The following DENND4B variants were observed in gnomAD, a reference collection of about 807,000 sequenced individuals.
DENND4B encodes DENN domain containing 4B.
In DENND4B, 67 loss-of-function variants were observed where a neutral mutation model predicts 161.0. The ratio of observed to expected loss-of-function variants is 0.42; its 90% CI spans 0.34 to 0.51. The LOEUF (loss-of-function observed/expected upper bound fraction) is 0.51. DENND4B is among the 20% of genes least tolerant of loss of function. DENND4B has a pLI of 0.08. For synonymous variants in DENND4B, 753 were observed against 813.8 expected, an observed-to-expected ratio of 0.93 and a Z score of 1.27; for missense variants, 1,481 against 1,968.0, an observed-to-expected ratio of 0.75 and a Z score of 4.68.
chr1:153,931,188 A>G (rs1425882150), intron 24 of DENND4B, 124 bp from the exon 25 acceptor site: 2 of 756,580 alleles, frequency 2.6e-6, no homozygotes, highest in Non-Finnish European at 4.3e-6. Context: ...AGAAGTGGGA[A>G]AGGAATTCTT....
In DENND4B at chr1:153,944,160, G is replaced by A; in HGVS notation, c.215C>T (p.Ala72Val). The part of the protein sequence containing the change: ...PQGYTCIQAS[A>V]GGHPLELSAG... ...ACTGAGTTCCAAGGGGTGGCCCCCA[G>A]CAGAAGCCTGGATGCATGTGTAGCC... The change falls in exon 2 of 28, where the codon GCT becomes GTT. Residue 72 changes from alanine (A) to valine (V), a missense_variant. Coordinates refer to ENST00000361217, the MANE Select transcript of DENND4B (RefSeq NM_014856.3). The surrounding 1 kb of genome is among the most constrained non-coding windows in gnomAD (Gnocchi z 4.8). The A allele has an allele frequency of 6.2e-7, 1 of 1,613,154 alleles. No homozygotes were observed. Among genetic ancestry groups the A allele is most frequent in the Non-Finnish European group, 8.5e-7 (1 of 1,179,530 alleles).
At position 153,939,795 on chromosome 1, in the gene DENND4B, C is replaced by G; in HGVS notation, c.1613G>C (p.Gly538Ala). The change falls in exon 12 of 28, where the codon GGA (glycine) becomes GCA (alanine). Residue 538 changes from glycine (G) to alanine (A), a missense_variant. Transcript: ENST00000361217. ...CTCCAGGGATGCTTCCTCCTCAGGT[C>G]CAGTGTATGCTGGAGGCCAGGGCAG... ...LYQQLDQTYT[G>A]PEEEASLEFL... is the part of the protein sequence containing the mutation. 6.2e-7 allele frequency: 1 copy of G among 1,613,760 alleles called. No homozygotes were observed. The highest frequency in any genetic ancestry group is 8.5e-7 in the Non-Finnish European group (1 of 1,179,834).
intron 12 of DENND4B, among the ~76,000 whole-genome samples, chr1:153,939,280 G>C (rs569805512): frequency 3.4e-4 from 52 of 151,794 alleles, no homozygotes; most frequent in African/African-American, 1.3e-3. Flanking sequence ...AGACTGGGGG[G>C]GGTCTCCAAG....
chr1:153,941,773 C>CGGGGGGGGGGGG, intron 6 of DENND4B, 96 bp downstream of exon 6: 18 of 1,426,300 alleles, frequency 1.3e-5, no homozygotes, highest in Non-Finnish European at 1.7e-5. Context: ...ACCCTGTGCC[C>CGGGGGGGGGGGG]AGCCCTCCCC....
Position 153,930,122 on chromosome 1 carries a change from CA to C in DENND4B, c.*174del. On this transcript the variant is annotated 3_prime_UTR_variant, in exon 28 of 28. Transcript: ENST00000361217. The surrounding 1 kb of genome is among the most constrained non-coding windows in gnomAD (Gnocchi z 4.7). ...CTGGGTAGGTTGGTGATGGGGGAAT[CA>C]GGACTTTTGGTAACAGTGGATCCCT... 1 of 879,978 alleles carries C rather than the reference CA, an allele frequency of 1.1e-6. No individual in the cohort carries two copies. The highest frequency in any genetic ancestry group is 1.7e-6 in the Non-Finnish European group (1 of 593,388). 54.5% of individuals were successfully genotyped at this position (879,978 alleles called of 1,614,324 possible). A position where few individuals can be genotyped will look rare whatever the true frequency, so the allele number is the denominator to read the frequency against.
chr1:153,935,178 G>A, intron 17 of DENND4B: 1 of 806,588 alleles, frequency 1.2e-6, no homozygotes, highest in South Asian at 2.2e-5. Context: ...AGAGGCAGTG[G>A]AGAAAATTTG....
At position 153,932,834 on chromosome 1, in the gene DENND4B, C is replaced by G; in HGVS notation, c.3623+27G>C. 6.2e-7 allele frequency: 1 copy of G among 1,613,574 alleles called. No homozygotes were observed. Among genetic ancestry groups the G allele is most frequent in the Non-Finnish European group, 8.5e-7 (1 of 1,179,570 alleles). ...TGGACCTTCACCTCCCTATTCCCACCCACAGCACTTGCCCTGCCTTGGGCA... is the reference window on the plus strand; with the variant it reads ...TGGACCTTCACCTCCCTATTCCCACGCACAGCACTTGCCCTGCCTTGGGCA... On this transcript the variant is annotated intron_variant, in intron 22 of 27. Coordinates refer to ENST00000361217, the MANE Select transcript of DENND4B (RefSeq NM_014856.3). This position sits in a 1 kb window ranked among gnomAD's most constrained non-coding sequence, Gnocchi z 5.8.
At position 153,930,801 on chromosome 1, in the gene DENND4B, C is replaced by T. The variant is rs1376595591; in HGVS notation, c.4171G>A (p.Ala1391Thr). The change falls in exon 26 of 28, where the codon GCA becomes ACA. Residue 1391 changes from alanine to threonine, a missense_variant. By Grantham distance (58) the Ala-to-Thr change is moderately conservative. This residue lies in a region of DENND4B where 336 missense variants were observed against 503.3 expected (regional missense o/e 0.67). Transcript: ENST00000361217. This position sits in a 1 kb window ranked among gnomAD's most constrained non-coding sequence, Gnocchi z 4.7. Reference protein sequence around the residue: ...PGPVPASLSLALLESVLRHVG... With the variant: ...PGPVPASLSLTLLESVLRHVG... ...TGGCGCAGCACTGACTCCAACAGTG[C>T]CAAACTAAGGGATGCAGGTACAGGG... 6.2e-7 allele frequency: 1 copy of T among 1,606,572 alleles called. No individual in the cohort carries two copies. Among genetic ancestry groups the T allele is most frequent in the Admixed American group, 1.7e-5 (1 of 58,828 alleles).
Position 153,934,039 on chromosome 1 carries a change from G to C in DENND4B, c.2941+96C>G. On this transcript the variant is annotated intron_variant, in intron 19 of 27. Coordinates refer to ENST00000361217, the MANE Select transcript of DENND4B (RefSeq NM_014856.3). This position sits in a 1 kb window ranked among gnomAD's most constrained non-coding sequence, Gnocchi z 5.3. The stretch of plus-strand genomic sequence containing the variant: ...GAATCTACAGCACCCACCACAGAGG[G>C]CCGCCCTCCACTCTGTTTCTGGTCT... 2 of 1,464,406 alleles carry C rather than the reference G, an allele frequency of 1.4e-6. No homozygotes were observed. The highest frequency in any genetic ancestry group is 1.8e-6 in the Non-Finnish European group (2 of 1,106,464). The allele number at this position is 1,464,406 out of a possible 1,614,324, so 90.7% of individuals were successfully genotyped here.
Position 153,934,689 on chromosome 1 carries a change from ACT to A in DENND4B, c.2773+69_2773+70del, listed in dbSNP as rs1482809929. ...AATGCCAACCATTAGACCAGCCCCA[ACT>A]CTCTATGCCTTTCCCTGCCTGAGCC... On this transcript the variant is annotated intron_variant, in intron 18 of 27. Transcript: ENST00000361217. This position sits in a 1 kb window ranked among gnomAD's most constrained non-coding sequence, Gnocchi z 5.3. The A allele has an allele frequency of 1.9e-6, 3 of 1,539,660 alleles. No individual in the cohort carries two copies. Among genetic ancestry groups the A allele is most frequent in the Non-Finnish European group, 2.6e-6 (3 of 1,143,806 alleles).
chr1:153,941,773 C>CCGGGGGGGGGG, intron 6 of DENND4B, 96 bp downstream of exon 6: 13 of 1,426,294 alleles, frequency 9.1e-6, no homozygotes, highest in Non-Finnish European at 1.2e-5. Context: ...ACCCTGTGCC[C>CCGGGGGGGGGG]AGCCCTCCCC....
chr1:153,942,841 C>T lies in DENND4B; in HGVS notation c.570+37G>A. ...CCCAGTGTCCACACCCACTCTTACA[C>T]CAAGAGGACCAGGTGTCAGCTCTTG... On this transcript the variant is annotated intron_variant, in intron 3 of 27. Transcript: ENST00000361217. The surrounding 1 kb of genome is among the most constrained non-coding windows in gnomAD (Gnocchi z 6.9). 1.3e-6 allele frequency: 2 copies of T among 1,566,192 alleles called. No individual in the cohort carries two copies. Among genetic ancestry groups the T allele is most frequent in the South Asian group, 1.2e-5 (1 of 83,346 alleles).
Position 153,942,060 on chromosome 1 carries a change from T to C in DENND4B, c.864A>G (p.Ser288=), listed in dbSNP as rs779944027. Reference sequence around the variant, plus strand: ...GGCCCAGTGCCCGTGCCTGTCGCTCTGATAGCCTGGCCCTTGGGAACGCCT... The same window carrying C: ...GGCCCAGTGCCCGTGCCTGTCGCTCCGATAGCCTGGCCCTTGGGAACGCCT... ...FYEAFPRARL[S]ERQARALGLL... Residue 288 remains serine, a synonymous_variant, in exon 6 of 28, where the codon TCA becomes TCG. Coordinates refer to ENST00000361217, the MANE Select transcript of DENND4B (RefSeq NM_014856.3). This position sits in a 1 kb window ranked among gnomAD's most constrained non-coding sequence, Gnocchi z 6.9. 2 of 1,612,328 alleles carry C rather than the reference T, an allele frequency of 1.2e-6. No individual in the cohort carries two copies. Among genetic ancestry groups the C allele is most frequent in the South Asian group, 2.2e-5 (2 of 90,866 alleles).
At position 153,933,007 on chromosome 1, in the gene DENND4B, C is replaced by T; in HGVS notation, c.3477G>A (p.Leu1159=). ...SLEILLSSCS[L]CRACDSLVYD... The stretch of plus-strand genomic sequence containing the variant: ...ACACCAGCGAATCACAGGCACGGCA[C>T]AGGGAGCAGCTGGACAGCAGAATCT... The change falls in exon 22 of 28, where the codon CTG becomes CTA. Residue 1159 remains leucine, a synonymous_variant. Coordinates refer to ENST00000361217, the MANE Select transcript of DENND4B (RefSeq NM_014856.3). This position sits in a 1 kb window ranked among gnomAD's most constrained non-coding sequence, Gnocchi z 5.7. The T allele has an allele frequency of 4.3e-6, 7 of 1,613,910 alleles. No individual in the cohort carries two copies. Among genetic ancestry groups the T allele is most frequent in the Non-Finnish European group, 5.1e-6 (6 of 1,179,864 alleles).
In DENND4B at chr1:153,934,846, T is replaced by TGCTGTTGCC. The variant is rs751722506; in HGVS notation, c.2686_2687insGGCAACAGC (p.Gln895_Gln896insArgGlnGln). 46 of 1,613,494 alleles carry TGCTGTTGCC rather than the reference T, an allele frequency of 2.9e-5. No individual in the cohort carries two copies. The East Asian group carries it at 1.0e-3, about 35-fold the overall frequency. On this transcript the variant is annotated inframe_insertion, in exon 18 of 28. Transcript: ENST00000361217. The surrounding 1 kb of genome is among the most constrained non-coding windows in gnomAD (Gnocchi z 5.3). ...CTGCTGCTGTTGCTGCTGCTGCTGC[T>TGCTGTTGCC]GTTGCCGTTCTCTCAAGGGCTGGCG...
chr1:153,943,228 T>C, intron 2 of DENND4B, 98 bp from the exon 3 acceptor site: 1 of 1,497,210 alleles, frequency 6.7e-7, no homozygotes, highest in Non-Finnish European at 9.0e-7. Context: ...GAACTTGCCT[T>C]GTACCCACAG....
Position 153,946,406 on chromosome 1 carries a change from G to T in DENND4B, c.-129C>A. 2.6e-6 allele frequency: 1 copy of T among 384,896 alleles called. No individual in the cohort carries two copies. The highest frequency in any genetic ancestry group is 1.3e-4 in the South Asian group (1 of 7,754). 23.8% of individuals were successfully genotyped at this position (384,896 alleles called of 1,614,324 possible). ...ACCCGGCCCCAGACATGGCGCACCC[G>T]ACTTGGGCGCCGCTCCCGCCCGGGC... On this transcript the variant is annotated 5_prime_UTR_variant, in exon 1 of 28. Transcript: ENST00000361217. This position sits in a 1 kb window ranked among gnomAD's most constrained non-coding sequence, Gnocchi z 6.3.
Position 153,944,432 on chromosome 1 carries a change from G to A in DENND4B, c.-23-35C>T, listed in dbSNP as rs1208099855. ...TCAAGTGGGAGAGAGATGAAGCAAG[G>A]AAGGCTGGGGATGCCATGGCAACCA... is the stretch of plus-strand genomic sequence containing the variant. On this transcript the variant is annotated intron_variant, in intron 1 of 27. Coordinates refer to ENST00000361217, the MANE Select transcript of DENND4B (RefSeq NM_014856.3). The surrounding 1 kb of genome is among the most constrained non-coding windows in gnomAD (Gnocchi z 4.8). 1.3e-6 allele frequency: 2 copies of A among 1,508,512 alleles called. No individual in the cohort carries two copies. The highest frequency in any genetic ancestry group is 2.8e-5 in the African/African-American group (2 of 71,888). The allele number at this position is 1,508,512 out of a possible 1,614,324, so 93.4% of individuals were successfully genotyped here. A position where few individuals can be genotyped will look rare whatever the true frequency, so the allele number is the denominator to read the frequency against.
At position 153,942,963 on chromosome 1, in the gene DENND4B, G is replaced by C; in HGVS notation, c.485C>G (p.Thr162Ser). Residue 162 changes from threonine to serine, a missense_variant, in exon 3 of 28, where the codon ACT (threonine) becomes AGT (serine). This residue lies in a region of DENND4B where 806 missense variants were observed against 1,134.4 expected (regional missense o/e 0.71). Coordinates refer to ENST00000361217, the MANE Select transcript of DENND4B (RefSeq NM_014856.3). This position sits in a 1 kb window ranked among gnomAD's most constrained non-coding sequence, Gnocchi z 6.9. ...EGAGLHALGI[T>S]DLCLVLPSKG... Reference sequence around the variant, plus strand: ...ACTGGGCAGCACCAGGCAGAGGTCAGTGATGCCCAGGGCATGCAGCCCTGC... The same window carrying C: ...ACTGGGCAGCACCAGGCAGAGGTCACTGATGCCCAGGGCATGCAGCCCTGC... 6 of 1,613,960 alleles carry C rather than the reference G, an allele frequency of 3.7e-6. No homozygotes were observed. The highest frequency in any genetic ancestry group is 5.1e-6 in the Non-Finnish European group (6 of 1,179,866).
Sources: gnomAD v4.1 joint callset for allele counts (sites outside exome capture counted in the v4.1 genomes callset) on GRCh38, gnomAD v4.1.1 for gene constraint, gnomAD v4.1.1 regional missense constraint, Gnocchi (gnomAD v3.1) non-coding constraint, MANE v1.5 for transcripts, NCBI Gene and HGNC (gene_info 2026-07-23, HGNC 2026-07-21) for gene names.